CDC42BPA: variants seen among roughly 807,000 people sequenced by gnomAD.
CDC42BPA encodes CDC42 binding protein kinase alpha.
Under a neutral mutation model 223.5 loss-of-function variants are expected in CDC42BPA, and 80 were observed. The observed-to-expected ratio is 0.36, with a 90% confidence interval of 0.30 to 0.43. The LOEUF (loss-of-function observed/expected upper bound fraction) is 0.43. Ranked by LOEUF, CDC42BPA falls within the 20% of genes least tolerant of loss-of-function variation. The probability of loss-of-function intolerance (pLI) is 1.00; values close to 1 mark genes in which losing one functional copy is unlikely to be tolerated. For missense variants in CDC42BPA, 1,743 were observed against 2,099.9 expected (o/e 0.83, Z 3.32); for synonymous variants, 694 against 718.6 (o/e 0.97, Z 0.55).
chr1:227,034,487 T>C lies in CDC42BPA; in HGVS notation c.3476+168A>G, dbSNP rs1669882334. Among the ~76,000 whole-genome samples, 3 of 152,214 alleles carry C rather than the reference T, an allele frequency of 2.0e-5. No individual in the cohort carries two copies. The South Asian group carries it at 6.2e-4, about 32-fold the overall frequency. ...CACACATACCAACCTGTCCTATAAA[T>C]ACACCTTACTTCCTATTTTCAATTC... On this transcript the variant is annotated intron_variant, in intron 26 of 36. Transcript: ENST00000366766.
intron 21 of CDC42BPA, among the ~76,000 whole-genome samples, chr1:227,063,783 A>G (rs1005584951): frequency 6.6e-6 from 1 of 152,184 alleles, no homozygotes; most frequent in Non-Finnish European, 1.5e-5. Flanking sequence ...CAATTCTCAC[A>G]TACAATTGAC....
In CDC42BPA at chr1:227,047,972, G is replaced by C; in HGVS notation, c.3048C>G (p.Thr1016=). The C allele has an allele frequency of 1.2e-6, 2 of 1,611,702 alleles. No individual in the cohort carries two copies. The highest frequency in any genetic ancestry group is 1.7e-5 in the Admixed American group (1 of 59,908). ...AACCAGGACATCCTTTTTTCCTTAAGGTTGGTGTGTGAACTGAAAGTGGAG... is the reference window on the plus strand; with the variant it reads ...AACCAGGACATCCTTTTTTCCTTAACGTTGGTGTGTGAACTGAAAGTGGAG... ...DSTPLSVHTP[T]LRKKGCPGST... is the part of the protein sequence containing the mutation. Residue 1016 remains threonine (T), a synonymous_variant, in exon 23 of 37, where the codon ACC becomes ACG. Transcript: ENST00000366766.
At chr1:227,287,796 TATCC>T (rs1558960657) in intron 1 of CDC42BPA, among the ~76,000 whole-genome samples, 1 of 152,228 alleles carries the variant, frequency 6.6e-6, no homozygotes, top group East Asian at 1.9e-4. Flanking sequence ...GTAATTACAA[TATCC>T]ATCATCTCAA....
intron 16 of CDC42BPA, among the ~76,000 whole-genome samples, chr1:227,091,242 A>G (rs763896718): frequency 5.9e-5 from 9 of 152,188 alleles, no homozygotes; most frequent in Non-Finnish European, 8.8e-5. Flanking sequence ...ACAGATGGTG[A>G]TATGACTTCA....
At chr1:227,031,852 A>G (rs1425867039) in intron 27 of CDC42BPA, among the ~76,000 whole-genome samples, 1 of 152,222 alleles carries the variant, frequency 6.6e-6, no homozygotes, top group Non-Finnish European at 1.5e-5. Flanking sequence ...GGTAGATCTA[A>G]GCACTTTACA....
intron 15 of CDC42BPA, among the ~76,000 whole-genome samples, chr1:227,098,461 CTCTT>C (rs140298133): frequency 0.021 from 3,151 of 152,148 alleles, 120 homozygotes; most frequent in African/African-American, 0.072. Context: ...TTAAAATGAG[CTCTT>C]TCTGTTTATG....
intron 5 of CDC42BPA, among the ~76,000 whole-genome samples, chr1:227,192,305 A>G (rs922316027): frequency 1.2e-5 from 1 of 84,854 alleles, no homozygotes; most frequent in African/African-American, 3.9e-5. Context: ...GCTGTCTTAG[A>G]GCATAGTTCT....
chr1:226,996,758 C>T (rs1331284995), intron 35 of CDC42BPA, among the ~76,000 whole-genome samples: 2 of 152,116 alleles, frequency 1.3e-5, no homozygotes, highest in Non-Finnish European at 1.5e-5. Context: ...TGATGGATTA[C>T]GTTTATTGAC....
intron 16 of CDC42BPA, among the ~76,000 whole-genome samples, chr1:227,081,651 A>G (rs999752848): frequency 5.9e-5 from 9 of 151,880 alleles, no homozygotes; most frequent in African/African-American, 2.2e-4. Context: ...ATGGGGTTTC[A>G]CCATGTTGGT....
intron 4 of CDC42BPA, 51 bp from the exon 5 acceptor site, chr1:227,193,985 A>C (rs1014921024): frequency 2.3e-6 from 3 of 1,331,814 alleles, no homozygotes; most frequent in Non-Finnish European, 3.1e-6. Context: ...AGGGTGAAAA[A>C]TCAATATACT....
rs780060699 is a variant in CDC42BPA at position 227,117,517 on chromosome 1, GT to G, written c.1647+2286del. On this transcript the variant is annotated intron_variant, in intron 12 of 36. Transcript: ENST00000366766. ...TGTAGAGACTGGGTCTCATTCTGTT[GT>G]TGCCTAGGCTGGTCTCAAACTCCTG... Among the ~76,000 whole-genome samples the G allele has an allele frequency of 3.5e-4, 53 of 151,906 alleles. 1 individual carries two copies. Among genetic ancestry groups the G allele is most frequent in the Non-Finnish European group, 6.6e-4 (45 of 67,952 alleles).
intron 17 of CDC42BPA, among the ~76,000 whole-genome samples, chr1:227,079,292 G>A (rs1680151056): frequency 6.6e-6 from 1 of 152,008 alleles, no homozygotes; most frequent in South Asian, 2.1e-4. Flanking sequence ...AGTGTTTTGT[G>A]GCATCATATA....
intron 1 of CDC42BPA, among the ~76,000 whole-genome samples, chr1:227,280,603 C>T (rs538963252): frequency 1.6e-3 from 249 of 152,318 alleles, no homozygotes; most frequent in Admixed American, 4.6e-3. Context: ...AAAGTCTTCA[C>T]GCACCAAGGA....
intron 1 of CDC42BPA, among the ~76,000 whole-genome samples, chr1:227,272,854 C>A (rs541762001): frequency 1.3e-5 from 2 of 152,252 alleles, no homozygotes; most frequent in Admixed American, 1.3e-4. Context: ...GTTTCAGAGT[C>A]AGAAAAAGTT....
chr1:226,993,476 G>A lies in CDC42BPA; in HGVS notation c.*792C>T, dbSNP rs1008285556. On this transcript the variant is annotated 3_prime_UTR_variant, in exon 37 of 37. Transcript: ENST00000366766. ...ACCAGCAAAACCTGGCTCTGCAAGT[G>A]TTTTCTACAGCTCCCCAGGTGACTA... is the stretch of plus-strand genomic sequence containing the variant. 3 of 152,442 alleles carry A rather than the reference G, an allele frequency of 2.0e-5. No homozygotes were observed. The highest frequency in any genetic ancestry group is 6.5e-5 in the Admixed American group (1 of 15,270). 9.4% of individuals were successfully genotyped at this position (152,442 alleles called of 1,614,324 possible).
At chr1:227,069,612 A>G (rs1677863671) in intron 21 of CDC42BPA, 165 bp downstream of exon 21, 2 of 493,200 alleles carry the variant, frequency 4.1e-6, no homozygotes, top group Admixed American at 3.6e-5. Flanking sequence ...TATAGTCTCC[A>G]TAAGAATGCA....
At chr1:227,176,935 T>C (rs1667052637) in intron 5 of CDC42BPA, among the ~76,000 whole-genome samples, 1 of 151,952 alleles carries the variant, frequency 6.6e-6, no homozygotes, top group African/African-American at 2.4e-5. Flanking sequence ...AAAGTAGTTT[T>C]CTCTCCCCTC....
Position 227,302,447 on chromosome 1 carries a change from T to C in CDC42BPA, c.178+14558A>G, listed in dbSNP as rs140241579. The stretch of plus-strand genomic sequence containing the variant: ...CTGTTTTCCTTCAAAATATGAACAC[T>C]GTCTTCTAGCTTCTAGAGTTGCTGC... On this transcript the variant is annotated intron_variant, in intron 1 of 36. Coordinates refer to ENST00000366766, the MANE Select transcript of CDC42BPA (RefSeq NM_001394014.1). Among the ~76,000 whole-genome samples the C allele has an allele frequency of 6.0e-3, 917 of 152,342 alleles. 10 individuals are homozygous for C. The highest frequency in any genetic ancestry group is 0.021 in the African/African-American group (864 of 41,570).
intron 5 of CDC42BPA, among the ~76,000 whole-genome samples, chr1:227,186,830 C>T (rs1668852587): frequency 6.6e-6 from 1 of 152,136 alleles, no homozygotes; most frequent in Non-Finnish European, 1.5e-5. Context: ...AACCCAGGGG[C>T]AATTGTTTGA....
Sources: allele counts gnomAD v4.1 joint callset (sites outside exome capture counted in the v4.1 genomes callset), GRCh38; gene constraint gnomAD v4.1.1; transcripts MANE v1.5; gene names NCBI Gene and HGNC (gene_info 2026-07-23, HGNC 2026-07-21).